TSHZ2: variants seen among roughly 807,000 people sequenced by gnomAD.
TSHZ2 encodes the protein teashirt zinc finger homeobox 2.
TSHZ2 carries 21 observed loss-of-function variants against 74.4 expected under a neutral mutation model. The ratio of observed to expected loss-of-function variants is 0.28; its 90% CI spans 0.20 to 0.41. The LOEUF (loss-of-function observed/expected upper bound fraction) is 0.41, where lower values mean the gene tolerates loss of function less well. Among genes scored for constraint, TSHZ2 ranks in the 10% least tolerant of loss-of-function variants. The pLI is 1.00. For missense variants in TSHZ2, 1,244 were observed against 1,293.5 expected (o/e 0.96, Z 0.59); for synonymous variants, 540 against 515.3 (o/e 1.05, Z -0.65).
chr20:52,979,383 C>T (rs1981476487), intron 1 of TSHZ2, among the ~76,000 whole-genome samples: 1 of 152,150 alleles, frequency 6.6e-6, no homozygotes, highest in Non-Finnish European at 1.5e-5. Flanking sequence ...CCTCTGCAAA[C>T]ACATAGTTTC....
chr20:53,441,111 G>A (rs139804638), intron 2 of TSHZ2, among the ~76,000 whole-genome samples: 1 of 152,310 alleles, frequency 6.6e-6, no homozygotes, highest in Admixed American at 6.5e-5. Flanking sequence ...GACCTGAGTG[G>A]TGAGAAGCCA....
At chr20:53,175,084 A>G (rs1306822194) in intron 1 of TSHZ2, among the ~76,000 whole-genome samples, 1 of 138,418 alleles carries the variant, frequency 7.2e-6, no homozygotes, top group Non-Finnish European at 1.5e-5. Context: ...TGACTATGTT[A>G]TAGCTCCCTG....
At chr20:53,418,538 G>A (rs573188063) in intron 2 of TSHZ2, among the ~76,000 whole-genome samples, 1 of 152,268 alleles carries the variant, frequency 6.6e-6, no homozygotes, top group African/African-American at 2.4e-5. Context: ...GAGAGCTTGT[G>A]CGAGGAAACT....
chr20:52,994,677 C>G (rs993691595), intron 1 of TSHZ2, among the ~76,000 whole-genome samples: 1 of 152,148 alleles, frequency 6.6e-6, no homozygotes, highest in Non-Finnish European at 1.5e-5. Flanking sequence ...ACATTAGCCC[C>G]TAGTCAGCTC....
intron 1 of TSHZ2, among the ~76,000 whole-genome samples, chr20:53,204,304 CATCAT>C (rs1427490131): frequency 1.5e-5 from 2 of 132,424 alleles, no homozygotes; most frequent in Non-Finnish European, 3.4e-5. Flanking sequence ...GATACTATAT[CATCAT>C]ATAACATGAT....
At chr20:53,227,186 A>G (rs541367245) in intron 1 of TSHZ2, among the ~76,000 whole-genome samples, 1 of 152,238 alleles carries the variant, frequency 6.6e-6, no homozygotes, top group African/African-American at 2.4e-5. Context: ...TAATATATGT[A>G]TGAGATCCGG....
chr20:53,307,909 G>A (rs767962200), intron 2 of TSHZ2, among the ~76,000 whole-genome samples: 2 of 152,300 alleles, frequency 1.3e-5, no homozygotes, highest in Middle Eastern at 6.8e-3. Flanking sequence ...CTGGTTTAGA[G>A]CCCAGATCCT....
chr20:53,012,049 T>C (rs1158620574), intron 1 of TSHZ2, among the ~76,000 whole-genome samples: 2 of 152,132 alleles, frequency 1.3e-5, no homozygotes, highest in Non-Finnish European at 2.9e-5. Flanking sequence ...CGATATCTGG[T>C]TTCAAAGCCA....
chr20:53,084,665 C>T (rs907277051), intron 1 of TSHZ2, among the ~76,000 whole-genome samples: 1 of 86,234 alleles, frequency 1.2e-5, no homozygotes, highest in Non-Finnish European at 2.2e-5. Flanking sequence ...CTCCTTCTCT[C>T]CTTCTCTCCC....
chr20:53,239,365 G>T (rs759100367), intron 1 of TSHZ2, among the ~76,000 whole-genome samples: 1 of 152,110 alleles, frequency 6.6e-6, no homozygotes, highest in Non-Finnish European at 1.5e-5. Context: ...TGGAGTTCTG[G>T]CTATGTGCAA....
intron 2 of TSHZ2, among the ~76,000 whole-genome samples, chr20:53,476,040 C>G (rs1205906459): frequency 7.3e-6 from 1 of 137,304 alleles, no homozygotes; most frequent in Non-Finnish European, 1.6e-5. Flanking sequence ...CAAAAAGAGT[C>G]CAGGACCAGA....
chr20:53,145,291 T>C (rs1287846859), intron 1 of TSHZ2, among the ~76,000 whole-genome samples: 1 of 152,186 alleles, frequency 6.6e-6, no homozygotes, highest in Non-Finnish European at 1.5e-5. Flanking sequence ...CAGGGCCTGA[T>C]AGAAATCCCA....
intron 2 of TSHZ2, among the ~76,000 whole-genome samples, chr20:53,283,791 G>A (rs988652186): frequency 1.3e-5 from 2 of 152,170 alleles, no homozygotes; most frequent in African/African-American, 4.8e-5. Context: ...GTTTTGTGAT[G>A]AGGGCAAAAT....
intron 2 of TSHZ2, among the ~76,000 whole-genome samples, chr20:53,450,636 G>A (rs143979589): frequency 3.9e-5 from 6 of 152,218 alleles, no homozygotes; most frequent in South Asian, 2.1e-4. Flanking sequence ...CAGTCTTCTC[G>A]CCTCAGCCTC....
intron 2 of TSHZ2, among the ~76,000 whole-genome samples, chr20:53,331,962 G>A (rs925698415): frequency 3.9e-5 from 6 of 152,132 alleles, no homozygotes; most frequent in Admixed American, 1.3e-4. Context: ...TGAGGGAAGT[G>A]TGCAGGGATG....
chr20:53,157,177 T>C (rs1435698482), intron 1 of TSHZ2, among the ~76,000 whole-genome samples: 1 of 152,212 alleles, frequency 6.6e-6, no homozygotes, highest in African/African-American at 2.4e-5. Flanking sequence ...AAGAAGCTAA[T>C]TTCTCAATTA....
intron 1 of TSHZ2, among the ~76,000 whole-genome samples, chr20:53,087,046 A>C (rs1985720540): frequency 6.6e-6 from 1 of 152,296 alleles, no homozygotes; most frequent in South Asian, 2.1e-4. Context: ...GGAACCTATG[A>C]GTAGACTCAT....
intron 1 of TSHZ2, among the ~76,000 whole-genome samples, chr20:53,240,192 T>G (rs773061676): frequency 1.3e-5 from 2 of 152,190 alleles, no homozygotes; most frequent in Non-Finnish European, 2.9e-5. Flanking sequence ...AAACCCTTAC[T>G]TTCTTAACCA....
chr20:53,354,798 T>C (rs1980786409), intron 2 of TSHZ2, among the ~76,000 whole-genome samples: 1 of 152,242 alleles, frequency 6.6e-6, no homozygotes, highest in African/African-American at 2.4e-5. Context: ...CATTCCCTTT[T>C]ATGATATACA....
Sources: gnomAD v4.1 joint callset for allele counts (sites outside exome capture counted in the v4.1 genomes callset) on GRCh38, gnomAD v4.1.1 for gene constraint, MANE v1.5 for transcripts, NCBI Gene and HGNC (gene_info 2026-07-23, HGNC 2026-07-21) for gene names.